JAK3: variants seen among roughly 807,000 people sequenced by gnomAD.
JAK3 encodes the protein Janus kinase 3.
JAK3 carries 88 observed loss-of-function variants against 120.8 expected under a neutral mutation model. The ratio of observed to expected loss-of-function variants is 0.73; its 90% CI spans 0.61 to 0.87. JAK3 has a LOEUF of 0.87. Among genes scored for constraint, JAK3 ranks in the 40% least tolerant of loss-of-function variants. The probability of loss-of-function intolerance (pLI) is 0.00; values close to 1 mark genes in which losing one functional copy is unlikely to be tolerated. For synonymous variants in JAK3, 592 were observed against 628.6 expected (o/e 0.94, Z 0.87); for missense variants, 1,254 against 1,501.4 (o/e 0.84, Z 2.72).
Position 17,843,975 on chromosome 19 carries a change from C to T in JAK3, c.185-75G>A. On this transcript the variant is annotated intron_variant, in intron 2 of 23. Transcript: ENST00000458235. The surrounding 1 kb of genome is among the most constrained non-coding windows in gnomAD (Gnocchi z 5.4). ...CCTTCAGGAGTGCCAGCATCATACC[C>T]AACCGTCCAGATCCTTCCATACCTC... is the stretch of plus-strand genomic sequence containing the variant. The T allele has an allele frequency of 6.4e-7, 1 of 1,574,102 alleles. No individual in the cohort carries two copies. The highest frequency in any genetic ancestry group is 2.3e-5 in the East Asian group (1 of 43,662).
In JAK3 at chr19:17,841,391, G is replaced by A. The variant is rs910451747; in HGVS notation, c.1140C>T (p.Ile380=). Residue 380 remains isoleucine (I), a splice_region_variant and synonymous_variant, in exon 8 of 24, where the codon ATC becomes ATT. Transcript: ENST00000458235. This position sits in a 1 kb window ranked among gnomAD's most constrained non-coding sequence, Gnocchi z 4.1. ...EEVAEQCHGP[I]TLDFAINKLK... is the part of the protein sequence containing the mutation. ...GGGAATGGGGGACAGGTCCTTACGT[G>A]ATGGGGCCGTGGCACTGCTCGGCCA... 6.5e-6 allele frequency: 10 copies of A among 1,549,322 alleles called. No individual in the cohort carries two copies. In the African/African-American group the frequency reaches 1.2e-4, roughly 19 times the overall value.
At position 17,831,828 on chromosome 19, in the gene JAK3, G is replaced by A. The variant is rs754499253; in HGVS notation, c.2681-30C>T. 1.2e-6 allele frequency: 2 copies of A among 1,610,132 alleles called. No homozygotes were observed. The highest frequency in any genetic ancestry group is 1.7e-6 in the Non-Finnish European group (2 of 1,178,320). On this transcript the variant is annotated intron_variant, in intron 19 of 23. Coordinates refer to ENST00000458235, the MANE Select transcript of JAK3 (RefSeq NM_000215.4). This position sits in a 1 kb window ranked among gnomAD's most constrained non-coding sequence, Gnocchi z 5.1. ...AGAAGGCAGGATCTGTCACAGCAGG[G>A]CCCAGCCCTGCTCGTCCCCCCATTC...
chr19:17,827,273 T>C (rs1457437685), intron 23 of JAK3, among the ~76,000 whole-genome samples: 1 of 151,810 alleles, frequency 6.6e-6, no homozygotes, highest in Non-Finnish European at 1.5e-5. Flanking sequence ...GCCACCGCAC[T>C]CATTCAGTTT....
chr19:17,827,585 A>G (rs948157206), intron 23 of JAK3, among the ~76,000 whole-genome samples: 6 of 151,298 alleles, frequency 4.0e-5, no homozygotes, highest in African/African-American at 1.5e-4. Flanking sequence ...GACCTCATGT[A>G]ATCCACCCAC....
In JAK3 at chr19:17,838,282, G is replaced by A. The variant is rs759375144; in HGVS notation, c.1550C>T (p.Pro517Leu). The change falls in exon 11 of 24, where the codon CCT (proline) becomes CTT (leucine). Residue 517 changes from proline to leucine, a missense_variant. Physicochemically the swap from Pro to Leu is moderately conservative, Grantham distance 98. This residue lies in a region of JAK3 where 630 missense variants were observed against 819.8 expected (regional missense o/e 0.77). Transcript: ENST00000458235. ...QLSQMTFHKIPADSLEWHENL... is the reference protein window; with the variant it reads ...QLSQMTFHKILADSLEWHENL... ...TCTTACCCACTCCAGGCTGTCAGCAGGGATCTTGTGAAATGTCATCTGACT... is the reference window on the plus strand; with the variant it reads ...TCTTACCCACTCCAGGCTGTCAGCAAGGATCTTGTGAAATGTCATCTGACT... The A allele has an allele frequency of 7.4e-6, 12 of 1,614,020 alleles. No individual in the cohort carries two copies. Among genetic ancestry groups the A allele is most frequent in the Non-Finnish European group, 9.3e-6 (11 of 1,180,052 alleles).
At chr19:17,828,892 C>T (rs1678064892) in intron 23 of JAK3, among the ~76,000 whole-genome samples, 1 of 152,148 alleles carries the variant, frequency 6.6e-6, no homozygotes, top group Admixed American at 6.6e-5. Flanking sequence ...TGGTGGCTCA[C>T]GTCTGTAATC....
rs1226700867 is a variant in JAK3, at chr19:17,831,091, G to C, written c.2978+137C>G. 10 of 850,474 alleles carry C rather than the reference G, an allele frequency of 1.2e-5. No homozygotes were observed. The East Asian group carries it at 2.7e-4, about 23-fold the overall frequency. 52.7% of individuals were successfully genotyped at this position (850,474 alleles called of 1,614,324 possible). A position where few individuals can be genotyped will look rare whatever the true frequency, so the allele number is the denominator to read the frequency against. ...TGAGGGGGCGGGGCTCTGGGGAGTG[G>C]GAGGGGCCAAAGCTGCAGCGGAGGA... On this transcript the variant is annotated intron_variant, in intron 21 of 23. Transcript: ENST00000458235. This position sits in a 1 kb window ranked among gnomAD's most constrained non-coding sequence, Gnocchi z 5.1.
chr19:17,832,957 G>T lies in JAK3; in HGVS notation c.2351-28C>A, dbSNP rs201896506. On this transcript the variant is annotated intron_variant, in intron 17 of 23. Coordinates refer to ENST00000458235, the MANE Select transcript of JAK3 (RefSeq NM_000215.4). The surrounding 1 kb of genome is among the most constrained non-coding windows in gnomAD (Gnocchi z 4.7). ...GGGGTGGGGGCATGGGCAGTGGTAA[G>T]CAGCGCCTCTCATCCTGGGCCCCAC... 4 of 1,602,770 alleles carry T rather than the reference G, an allele frequency of 2.5e-6. No homozygotes were observed. The highest frequency in any genetic ancestry group is 2.6e-6 in the Non-Finnish European group (3 of 1,174,684).
chr19:17,840,960 G>T (rs1330314808), intron 8 of JAK3, among the ~76,000 whole-genome samples: 2 of 149,572 alleles, frequency 1.3e-5, no homozygotes, highest in African/African-American at 5.1e-5. Context: ...TGGGACTACA[G>T]GTCAACCACC....
rs148777897 is a variant in JAK3 at position 17,838,011 on chromosome 19, T to A, written c.1622A>T (p.His541Leu). The A allele has an allele frequency of 6.2e-7, 1 of 1,614,076 alleles. No individual in the cohort carries two copies. The highest frequency in any genetic ancestry group is 1.3e-5 in the African/African-American group (1 of 75,002). Residue 541 changes from histidine (H) to leucine (L), a missense_variant, in exon 12 of 24, where the codon CAT becomes CTT. By Grantham distance (99) the His-to-Leu change is moderately conservative. Coordinates refer to ENST00000458235, the MANE Select transcript of JAK3 (RefSeq NM_000215.4). ...TCGGGCCTCCCCATCCACCACCTCA[T>A]GGCGACAGCCCCGGTAAATCTTGGT... ...SFTKIYRGCR[H>L]EVVDGEARKT...
intron 17 of JAK3, 39 bp downstream of exon 17, chr19:17,834,532 C>T (rs201549026): frequency 6.2e-7 from 1 of 1,612,634 alleles, no homozygotes. Context: ...CCCAATATGA[C>T]ATCACAGCCC....
At position 17,834,559 on chromosome 19, in the gene JAK3, C is replaced by G. The variant is rs199675950; in HGVS notation, c.2350+12G>C. On this transcript the variant is annotated intron_variant, in intron 17 of 23. Transcript: ENST00000458235. The stretch of plus-strand genomic sequence containing the variant: ...TCACAGCCCTCCCCACCCAACCCGT[C>G]CCAGCGGGCACCTGAAGAGATGAGG... The G allele has an allele frequency of 6.3e-7, 1 of 1,583,086 alleles. No individual in the cohort carries two copies. Among genetic ancestry groups the G allele is most frequent in the Non-Finnish European group, 8.6e-7 (1 of 1,156,686 alleles).
In JAK3 at chr19:17,831,763, G is replaced by A; in HGVS notation, c.2716C>T (p.Pro906Ser). Residue 906 changes from proline (P) to serine (S), a missense_variant, in exon 20 of 24, where the codon CCC becomes TCC. Pro to Ser is a moderately conservative substitution (Grantham distance 74). This residue lies in a region of JAK3 where 630 missense variants were observed against 819.8 expected (regional missense o/e 0.77). Transcript: ENST00000458235. The surrounding 1 kb of genome is among the most constrained non-coding windows in gnomAD (Gnocchi z 5.1). ...AGGAAGTCGCGCAAGCAGCCGCTGG[G>A]CAGGTACTCCATGACCAGCCGCAGG... is the stretch of plus-strand genomic sequence containing the variant. Reference protein sequence around the residue: ...QSLRLVMEYLPSGCLRDFLQR... With the variant: ...QSLRLVMEYLSSGCLRDFLQR... The A allele has an allele frequency of 6.2e-7, 1 of 1,612,784 alleles. No individual in the cohort carries two copies. The highest frequency in any genetic ancestry group is 8.5e-7 in the Non-Finnish European group (1 of 1,179,876).
rs1460861148 is a variant in JAK3 at position 17,825,408 on chromosome 19, G to A, written c.*1335C>T. ...AGGACAGAAAGGGTCCCATTGGACA[G>A]GTGGGAAAACTGAAGCCCTAGGACA... On this transcript the variant is annotated 3_prime_UTR_variant, in exon 24 of 24. Coordinates refer to ENST00000458235, the MANE Select transcript of JAK3 (RefSeq NM_000215.4). The A allele has an allele frequency of 4.5e-6, 1 of 220,296 alleles. No homozygotes were observed. Among genetic ancestry groups the A allele is most frequent in the African/African-American group, 2.2e-5 (1 of 44,658 alleles). 13.6% of individuals were successfully genotyped at this position (220,296 alleles called of 1,614,324 possible).
rs553990627 is a variant in JAK3 at position 17,825,143 on chromosome 19, T to C, written c.*1600A>G. ...GACCCTGCACAGCCAAGGGGTAAGC[T>C]CTGACCATTTTGCAGGGGACAGAAC... On this transcript the variant is annotated 3_prime_UTR_variant, in exon 24 of 24. Transcript: ENST00000458235. The C allele has an allele frequency of 8.7e-6, 2 of 229,704 alleles. No homozygotes were observed. The highest frequency in any genetic ancestry group is 1.2e-4 in the East Asian group (2 of 16,124). The allele number at this position is 229,704 out of a possible 1,614,324, so 14.2% of individuals were successfully genotyped here. A position where few individuals can be genotyped will look rare whatever the true frequency, so the allele number is the denominator to read the frequency against.
chr19:17,842,768 G>A lies in JAK3; in HGVS notation c.567-158C>T. The A allele has an allele frequency of 2.2e-6, 2 of 898,694 alleles. No homozygotes were observed. Among genetic ancestry groups the A allele is most frequent in the Non-Finnish European group, 3.3e-6 (2 of 601,844 alleles). The allele number at this position is 898,694 out of a possible 1,614,324, so 55.7% of individuals were successfully genotyped here. A position where few individuals can be genotyped will look rare whatever the true frequency, so the allele number is the denominator to read the frequency against. ...TCATTCAGGGTCAGGTATGAGGACC[G>A]GACCTCAGAGTAGGGGAGGGCCATT... On this transcript the variant is annotated intron_variant, in intron 5 of 23. Coordinates refer to ENST00000458235, the MANE Select transcript of JAK3 (RefSeq NM_000215.4). This position sits in a 1 kb window ranked among gnomAD's most constrained non-coding sequence, Gnocchi z 6.4.
chr19:17,840,711 C>T (rs1307168438), intron 8 of JAK3, among the ~76,000 whole-genome samples: 1 of 151,012 alleles, frequency 6.6e-6, no homozygotes, highest in Non-Finnish European at 1.5e-5. Context: ...TGCATTGAGC[C>T]GAGATCGTGC....
rs1415156627 is a variant in JAK3 at position 17,844,259 on chromosome 19, C to G, written c.159G>C (p.Leu53=). 6 of 1,602,396 alleles carry G rather than the reference C, an allele frequency of 3.7e-6. No individual in the cohort carries two copies. The highest frequency in any genetic ancestry group is 5.1e-6 in the Non-Finnish European group (6 of 1,175,614). ...FSFGDHLAED[L]CVQAAKASGI... is the part of the protein sequence containing the mutation. ...CGCTGGCCTTGGCAGCCTGCACGCACAGGTCCTCAGCCAAGTGGTCCCCAA... is the reference window on the plus strand; with the variant it reads ...CGCTGGCCTTGGCAGCCTGCACGCAGAGGTCCTCAGCCAAGTGGTCCCCAA... The change falls in exon 2 of 24, where the codon CTG becomes CTC. Residue 53 remains leucine, a synonymous_variant. Transcript: ENST00000458235.
At position 17,830,111 on chromosome 19, in the gene JAK3, A is replaced by C; in HGVS notation, c.3204T>G (p.Ala1068=). Reference sequence around the variant, plus strand: ...AGGCTAGCCCTGCGGCGCTCACCTCAGCAGGGCAGGCAGGAGGCGCCGGCA... The same window carrying C: ...AGGCTAGCCCTGCGGCGCTCACCTCCGCAGGGCAGGCAGGAGGCGCCGGCA... ...QRLPAPPACP[A]EVHELMKLCW... is the part of the protein sequence containing the mutation. The change falls in exon 23 of 24, where the codon GCT becomes GCG. Residue 1068 remains alanine, a synonymous_variant. Transcript: ENST00000458235. 6.3e-7 allele frequency: 1 copy of C among 1,575,370 alleles called. No individual in the cohort carries two copies. Among genetic ancestry groups the C allele is most frequent in the Non-Finnish European group, 8.6e-7 (1 of 1,161,250 alleles).
Sources: allele counts gnomAD v4.1 joint callset (sites outside exome capture counted in the v4.1 genomes callset), GRCh38; gene constraint gnomAD v4.1.1; regional missense constraint gnomAD v4.1.1; non-coding constraint Gnocchi (gnomAD v3.1); transcripts MANE v1.5; gene names NCBI Gene and HGNC (gene_info 2026-07-23, HGNC 2026-07-21).